STMND1: variants seen among roughly 807,000 people sequenced by gnomAD.
STMND1 encodes stathmin domain containing 1, also known as stathmin domain-containing protein 1.
In STMND1, 17 loss-of-function variants were observed where a neutral mutation model predicts 23.0. The observed-to-expected ratio is 0.74, with a 90% CI of 0.51 to 1.11. The LOEUF is 1.11. STMND1 is among the 50% of genes least tolerant of loss of function. The pLI, the probability that STMND1 is intolerant of heterozygous loss-of-function variation, is 0.00. For missense variants in STMND1, 305 were observed against 329.1 expected (o/e 0.93, Z 0.57); for synonymous variants, 114 against 119.9 (o/e 0.95, Z 0.32).
rs548906047 is a variant in STMND1 at position 17,110,484 on chromosome 6, A to G, written c.82-4478A>G. On this transcript the variant is annotated intron_variant, in intron 1 of 4. Coordinates refer to ENST00000536551, the MANE Select transcript of STMND1 (RefSeq NM_001190766.2). Reference sequence around the variant, plus strand: ...AAAAAGTCAAATCAATAGACATTAAATGAGTCCAGTCGCGGTGGCGCACGT... The same window carrying G: ...AAAAAGTCAAATCAATAGACATTAAGTGAGTCCAGTCGCGGTGGCGCACGT... 3.6e-5 allele frequency: 7 copies of G among 195,680 alleles called. No individual in the cohort carries two copies. In the East Asian group the frequency reaches 9.8e-4, roughly 27 times the overall value. The allele number at this position is 195,680 out of a possible 1,614,324, so 12.1% of individuals were successfully genotyped here.
chr6:17,116,088 A>T (rs530535133), intron 2 of STMND1, among the ~76,000 whole-genome samples: 1 of 152,334 alleles, frequency 6.6e-6, no homozygotes, highest in East Asian at 1.9e-4. Flanking sequence ...CTAGACAGCA[A>T]CATGAATGCT....
At chr6:17,120,915 G>A (rs1761224923) in intron 3 of STMND1, among the ~76,000 whole-genome samples, 157 bp downstream of exon 3, 1 of 152,138 alleles carries the variant, frequency 6.6e-6, no homozygotes, top group Non-Finnish European at 1.5e-5. Context: ...CCACATCTCT[G>A]CACACCATCT....
chr6:17,104,003 A>G (rs1561920737), intron 1 of STMND1, among the ~76,000 whole-genome samples: 1 of 152,054 alleles, frequency 6.6e-6, no homozygotes. Context: ...TTTATAATCT[A>G]TCCTGTCCCT....
intron 2 of STMND1, among the ~76,000 whole-genome samples, chr6:17,118,418 T>C (rs182633126): frequency 5.9e-5 from 9 of 152,304 alleles, no homozygotes; most frequent in African/African-American, 2.2e-4. Context: ...CTGTATTTTC[T>C]AAATTTACTA....
chr6:17,125,748 A>C (rs1761286804), intron 3 of STMND1, among the ~76,000 whole-genome samples: 1 of 152,100 alleles, frequency 6.6e-6, no homozygotes, highest in African/African-American at 2.4e-5. Flanking sequence ...TATTCTATCC[A>C]CAAGACTCCT....
intron 1 of STMND1, among the ~76,000 whole-genome samples, 151 bp downstream of exon 1, chr6:17,102,489 G>C (rs1407595733): frequency 6.6e-6 from 1 of 152,200 alleles, no homozygotes; most frequent in Non-Finnish European, 1.5e-5. Context: ...TTATTCTGCC[G>C]GTGTTTAACT....
intron 3 of STMND1, among the ~76,000 whole-genome samples, chr6:17,126,424 A>G (rs941573678): frequency 5.3e-5 from 8 of 152,076 alleles, no homozygotes; most frequent in Non-Finnish European, 8.8e-5. Flanking sequence ...GGTGACCAAA[A>G]CAGAAAAATC....
intron 1 of STMND1, among the ~76,000 whole-genome samples, chr6:17,103,634 C>T (rs904929302): frequency 2.0e-4 from 28 of 142,114 alleles, no homozygotes; most frequent in South Asian, 4.5e-4. Context: ...TGCAATGGCA[C>T]GATCTCAGCT....
chr6:17,110,704 G>T, intron 1 of STMND1: 1 of 413,808 alleles, frequency 2.4e-6, no homozygotes, highest in Non-Finnish European at 4.9e-6. Context: ...AGAGGCAGAG[G>T]TTGCAGTGAG....
At chr6:17,111,604 A>G (rs1046033993) in intron 1 of STMND1, among the ~76,000 whole-genome samples, 4 of 152,248 alleles carry the variant, frequency 2.6e-5, no homozygotes, top group African/African-American at 7.2e-5. Flanking sequence ...GTATGTTGAC[A>G]TAGGTAAGTG....
At chr6:17,124,218 A>G (rs1181377827) in intron 3 of STMND1, among the ~76,000 whole-genome samples, 1 of 152,210 alleles carries the variant, frequency 6.6e-6, no homozygotes, top group African/African-American at 2.4e-5. Context: ...CTAGGGAATA[A>G]CATTCTTTTA....
intron 4 of STMND1, among the ~76,000 whole-genome samples, 160 bp downstream of exon 4, chr6:17,129,403 A>G (rs1761355404): frequency 6.6e-6 from 1 of 151,860 alleles, no homozygotes; most frequent in African/African-American, 2.4e-5. Context: ...ACAAAGTCTC[A>G]CTATGTTGCC....
intron 1 of STMND1, 110 bp downstream of exon 1, chr6:17,102,448 G>C: frequency 1.5e-6 from 2 of 1,333,528 alleles, no homozygotes; most frequent in Non-Finnish European, 2.0e-6. Context: ...GAGCAGGGTC[G>C]GTCGAGGCTA....
At chr6:17,121,714 A>G (rs1581372490) in intron 3 of STMND1, among the ~76,000 whole-genome samples, 1 of 152,170 alleles carries the variant, frequency 6.6e-6, no homozygotes, top group East Asian at 1.9e-4. Context: ...CCAAAATCAA[A>G]CATGAGGAAT....
intron 1 of STMND1, among the ~76,000 whole-genome samples, chr6:17,113,424 C>A (rs1437807304): frequency 1.3e-5 from 2 of 152,114 alleles, no homozygotes; most frequent in Admixed American, 6.5e-5. Context: ...CTGGATGAGA[C>A]CTACCCAGAT....
chr6:17,113,695 T>C (rs1197331160), intron 1 of STMND1, among the ~76,000 whole-genome samples: 5 of 151,494 alleles, frequency 3.3e-5, no homozygotes, highest in Non-Finnish European at 5.9e-5. Flanking sequence ...CTCGAACTCC[T>C]GGGCTCCAGA....
Position 17,129,737 on chromosome 6 carries a change from G to T in STMND1, c.543+494G>T, listed in dbSNP as rs532225292. 3.3e-5 allele frequency among the ~76,000 whole-genome samples: 5 copies of T among 151,940 alleles called. 1 individual carries two copies. Among genetic ancestry groups the T allele is most frequent in the African/African-American group, 1.2e-4 (5 of 41,468 alleles). ...CGGGCGCCTGTAGTCCCAGCTACTCGGGAGGCTGAGGCAGGAGAATGGCGT... is the reference window on the plus strand; with the variant it reads ...CGGGCGCCTGTAGTCCCAGCTACTCTGGAGGCTGAGGCAGGAGAATGGCGT... On this transcript the variant is annotated intron_variant, in intron 4 of 4. Transcript: ENST00000536551.
chr6:17,109,546 G>C (rs1192962589), intron 1 of STMND1, among the ~76,000 whole-genome samples: 1 of 152,112 alleles, frequency 6.6e-6, no homozygotes, highest in Non-Finnish European at 1.5e-5. Context: ...TACTGTGAAA[G>C]TACCAAGAGT....
intron 1 of STMND1, among the ~76,000 whole-genome samples, 173 bp downstream of exon 1, chr6:17,102,511 C>G (rs918120012): frequency 3.3e-5 from 5 of 152,116 alleles, no homozygotes; most frequent in African/African-American, 1.2e-4. Context: ...CTGTCTTAAC[C>G]GGGACTAGAC....
Sources: allele counts gnomAD v4.1 joint callset (sites outside exome capture counted in the v4.1 genomes callset), GRCh38; gene constraint gnomAD v4.1.1; transcripts MANE v1.5; gene names NCBI Gene and HGNC (gene_info 2026-07-23, HGNC 2026-07-21).